Variants in FAM204A observed in about 807,000 individuals in gnomAD.
The protein encoded by FAM204A is family with sequence similarity 204 member A.
In FAM204A, 16 loss-of-function variants were observed where a neutral mutation model predicts 35.4. The ratio of observed to expected loss-of-function variants is 0.45; its 90% CI spans 0.31 to 0.69. The LOEUF is 0.69. Ranked by LOEUF, FAM204A falls within the 30% of genes least tolerant of loss-of-function variation. FAM204A has a pLI of 0.07. For missense variants in FAM204A, 240 were observed against 265.7 expected (o/e 0.90, Z 0.67); for synonymous variants, 76 against 86.9 (o/e 0.88, Z 0.70).
intron 6 of FAM204A, among the ~76,000 whole-genome samples, chr10:118,334,338 ACCCT>A (rs962548370): frequency 7.9e-5 from 12 of 151,908 alleles, no homozygotes; most frequent in African/African-American, 2.4e-4. Flanking sequence ...TACGCCCCAA[ACCCT>A]CCCTATCACC....
chr10:118,331,841 CTT>C (rs1013403824), intron 6 of FAM204A, among the ~76,000 whole-genome samples: 8 of 97,812 alleles, frequency 8.2e-5, no homozygotes, highest in South Asian at 3.4e-4. Context: ...ATTTTGTTAC[CTT>C]TATATATATA....
chr10:118,319,639 T>TA (rs1380185416), intron 7 of FAM204A, among the ~76,000 whole-genome samples: 1 of 151,982 alleles, frequency 6.6e-6, no homozygotes, highest in Non-Finnish European at 1.5e-5. Flanking sequence ...GTTCCTTTTT[T>TA]ATAAGTTCAA....
chr10:118,324,458 T>A (rs1846167223), intron 7 of FAM204A, among the ~76,000 whole-genome samples: 1 of 152,164 alleles, frequency 6.6e-6, no homozygotes, highest in African/African-American at 2.4e-5. Context: ...CAAAATGCAA[T>A]ACAAACCCAG....
At chr10:118,315,037 T>C (rs2133268197) in intron 7 of FAM204A, among the ~76,000 whole-genome samples, 1 of 152,254 alleles carries the variant, frequency 6.6e-6, no homozygotes, top group East Asian at 1.9e-4. Context: ...ATAAGGGCTT[T>C]AGCTGGTTGG....
In FAM204A at chr10:118,306,555, AT is replaced by A. The variant is rs1845868163; in HGVS notation, c.*4301del. 1 of 152,244 alleles carries A rather than the reference AT, an allele frequency of 6.6e-6. No individual in the cohort carries two copies. The highest frequency in any genetic ancestry group is 1.5e-5 in the Non-Finnish European group (1 of 68,042). The allele number at this position is 152,244 out of a possible 1,614,324, so 9.4% of individuals were successfully genotyped here. ...AACATAGCATTCTGCATGGCATTTA[AT>A]AAACTATCTCCCAGAAGCCTATAGC... is the stretch of plus-strand genomic sequence containing the variant. On this transcript the variant is annotated 3_prime_UTR_variant, in exon 9 of 9. Transcript: ENST00000369183.
intron 7 of FAM204A, among the ~76,000 whole-genome samples, chr10:118,320,290 A>T (rs541866531): frequency 6.6e-6 from 1 of 151,044 alleles, no homozygotes; most frequent in African/African-American, 2.4e-5. Flanking sequence ...TTATTTATTA[A>T]ATAAAATAAA....
chr10:118,314,728 G>A (rs1021363808), intron 7 of FAM204A, among the ~76,000 whole-genome samples: 9 of 152,128 alleles, frequency 5.9e-5, no homozygotes, highest in African/African-American at 4.8e-5. Context: ...GCAACACAAC[G>A]TGGAAAGAAA....
At position 118,326,275 on chromosome 10, in the gene FAM204A, T is replaced by C. The variant is rs909971092; in HGVS notation, c.454-32A>G. ...AAAAAAGAAACCTAAAATTAAGGGC[T>C]GGAAGGAAAGCAAACATTTGCTAGC... On this transcript the variant is annotated intron_variant, in intron 6 of 8. Coordinates refer to ENST00000369183, the MANE Select transcript of FAM204A (RefSeq NM_022063.3). 2.5e-6 allele frequency: 4 copies of C among 1,576,608 alleles called. No individual in the cohort carries two copies. In the African/African-American group the frequency reaches 4.1e-5, roughly 16 times the overall value.
At chr10:118,333,168 A>G (rs1420079796) in intron 6 of FAM204A, among the ~76,000 whole-genome samples, 1 of 152,194 alleles carries the variant, frequency 6.6e-6, no homozygotes, top group Non-Finnish European at 1.5e-5. Flanking sequence ...GTGTTCCAAA[A>G]AAGAAAAAGG....
At chr10:118,329,520 A>G (rs1029229463) in intron 6 of FAM204A, among the ~76,000 whole-genome samples, 1 of 152,016 alleles carries the variant, frequency 6.6e-6, no homozygotes, top group African/African-American at 2.4e-5. Context: ...GTCGAATGTT[A>G]CCTTCTCTAT....
Position 118,300,970 on chromosome 10 carries a change from C to T in FAM204A, c.*9887G>A, listed in dbSNP as rs1845802622. 2 of 152,232 alleles carry T rather than the reference C, an allele frequency of 1.3e-5. No homozygotes were observed. The highest frequency in any genetic ancestry group is 6.5e-5 in the Admixed American group (1 of 15,288). The allele number at this position is 152,232 out of a possible 1,614,324, so 9.4% of individuals were successfully genotyped here. ...AACCTCACACAGTAAGCATTATTAA[C>T]AACAGCACTTTACAAATAGAAATTT... On this transcript the variant is annotated 3_prime_UTR_variant, in exon 9 of 9. Transcript: ENST00000369183.
intron 7 of FAM204A, among the ~76,000 whole-genome samples, chr10:118,314,162 T>C (rs922019376): frequency 2.0e-5 from 3 of 152,228 alleles, no homozygotes; most frequent in Admixed American, 2.0e-4. Flanking sequence ...GAGGGCTCCA[T>C]CATTTTGTGA....
rs1030505583 is a variant in FAM204A at position 118,308,883 on chromosome 10, A to G, written c.*1974T>C. ...TAAATGCTCTAAGGAGTAGAAACAG[A>G]AAAAAAAAAAAAAATGAGACTGAAG... On this transcript the variant is annotated 3_prime_UTR_variant, in exon 9 of 9. Transcript: ENST00000369183. 7 of 143,134 alleles carry G rather than the reference A, an allele frequency of 4.9e-5. No homozygotes were observed. The highest frequency in any genetic ancestry group is 7.7e-5 in the Non-Finnish European group (5 of 64,762). 8.9% of individuals were successfully genotyped at this position (143,134 alleles called of 1,614,324 possible).
At chr10:118,334,255 A>C (rs529664995) in intron 6 of FAM204A, among the ~76,000 whole-genome samples, 1 of 152,126 alleles carries the variant, frequency 6.6e-6, no homozygotes, top group South Asian at 2.1e-4. Flanking sequence ...TCCCTTCCCC[A>C]AATTTCTCTT....
chr10:118,299,231 G>A lies in FAM204A; in HGVS notation c.*11626C>T, dbSNP rs768041371. ...ACTTTTCAGGTTCTTCCTTTGGGCA[G>A]TACTGCTTAAGTGTTTTCATACCAC... is the stretch of plus-strand genomic sequence containing the variant. On this transcript the variant is annotated 3_prime_UTR_variant, in exon 9 of 9. Transcript: ENST00000369183. The A allele has an allele frequency of 6.6e-6, 1 of 152,016 alleles. No homozygotes were observed. The allele number at this position is 152,016 out of a possible 1,614,324, so 9.4% of individuals were successfully genotyped here.
Position 118,336,370 on chromosome 10 carries a change from C to A in FAM204A, c.46G>T (p.Glu16Ter). The change falls in exon 3 of 9, where the codon GAG (glutamate) becomes TAG (stop). Residue 16 changes from glutamate to a stop codon, truncating the protein, a stop_gained. Coordinates refer to ENST00000369183, the MANE Select transcript of FAM204A (RefSeq NM_022063.3). LOFTEE classifies it high-confidence loss of function. ...GTAGCTTCATCTTCCGAGTTTGACTCAGCGTCACTTTCATTTAGGCCAGGA... is the reference window on the plus strand; with the variant it reads ...GTAGCTTCATCTTCCGAGTTTGACTAAGCGTCACTTTCATTTAGGCCAGGA... The part of the protein sequence containing the change: ...LPPGLNESDA[E>*]SNSEDEATLE... The A allele has an allele frequency of 6.2e-7, 1 of 1,613,804 alleles. No individual in the cohort carries two copies. The highest frequency in any genetic ancestry group is 8.5e-7 in the Non-Finnish European group (1 of 1,179,806).
At chr10:118,340,129 C>T (rs1423676060) in intron 2 of FAM204A, among the ~76,000 whole-genome samples, 1 of 152,088 alleles carries the variant, frequency 6.6e-6, no homozygotes, top group African/African-American at 2.4e-5. Context: ...AGGAAAAGAC[C>T]AATTTAGTGA....
rs1845780873 is a variant in FAM204A, at chr10:118,299,173, A to G, written c.*11684T>C. 1 of 152,138 alleles carries G rather than the reference A, an allele frequency of 6.6e-6. No individual in the cohort carries two copies. Among genetic ancestry groups the G allele is most frequent in the Admixed American group, 6.5e-5 (1 of 15,272 alleles). 9.4% of individuals were successfully genotyped at this position (152,138 alleles called of 1,614,324 possible). On this transcript the variant is annotated 3_prime_UTR_variant, in exon 9 of 9. Transcript: ENST00000369183. ...CTGATTCTTGAGTATGCTAATGCCT[A>G]CACTTTCATCTTCTCAGAAAATCTA...
rs1484969578 is a variant in FAM204A at position 118,299,854 on chromosome 10, T to C, written c.*11003A>G. On this transcript the variant is annotated 3_prime_UTR_variant, in exon 9 of 9. Coordinates refer to ENST00000369183, the MANE Select transcript of FAM204A (RefSeq NM_022063.3). ...CAATAAGACTGCATGAACCTATTTT[T>C]ACTAACAATTTTTCCATTAGCACGT... 6.6e-6 allele frequency: 1 copy of C among 152,238 alleles called. No individual in the cohort carries two copies. The highest frequency in any genetic ancestry group is 1.5e-5 in the Non-Finnish European group (1 of 68,048). The allele number at this position is 152,238 out of a possible 1,614,324, so 9.4% of individuals were successfully genotyped here.
Sources: gnomAD v4.1 joint callset for allele counts (sites outside exome capture counted in the v4.1 genomes callset) on GRCh38, gnomAD v4.1.1 for gene constraint, MANE v1.5 for transcripts, NCBI Gene and HGNC (gene_info 2026-07-23, HGNC 2026-07-21) for gene names.